FSTL5: variants seen among roughly 807,000 people sequenced by gnomAD.
FSTL5 encodes the protein follistatin-related protein 5.
FSTL5 carries 62 observed loss-of-function variants against 89.1 expected under a neutral mutation model. The ratio of observed to expected loss-of-function variants is 0.70; its 90% CI spans 0.57 to 0.86. The LOEUF (loss-of-function observed/expected upper bound fraction) is 0.86, where lower values mean the gene tolerates loss of function less well. Ranked by LOEUF, FSTL5 falls within the 40% of genes least tolerant of loss-of-function variation. The pLI is 0.00. For synonymous variants in FSTL5, 383 were observed against 346.2 expected (o/e 1.11, Z -1.18); for missense variants, 1,057 against 1,001.6 (o/e 1.06, Z -0.75).
chr4:161,393,000 T>A (rs2110881123), intron 15 of FSTL5, among the ~76,000 whole-genome samples: 1 of 151,902 alleles, frequency 6.6e-6, no homozygotes, highest in African/African-American at 2.4e-5. Flanking sequence ...CCTGTCTCTA[T>A]TAAATATACA....
chr4:161,548,597 T>C (rs577756828), intron 8 of FSTL5, among the ~76,000 whole-genome samples: 71 of 151,956 alleles, frequency 4.7e-4, no homozygotes, highest in Admixed American at 2.0e-3. Context: ...CATAGGTAGT[T>C]AGATATATGT....
intron 6 of FSTL5, among the ~76,000 whole-genome samples, chr4:161,669,858 G>C (rs1737035209): frequency 6.6e-6 from 1 of 151,814 alleles, no homozygotes; most frequent in Non-Finnish European, 1.5e-5. Context: ...TTTATACTTT[G>C]GTTATATTAT....
intron 6 of FSTL5, among the ~76,000 whole-genome samples, chr4:161,758,610 C>CG (rs1281960550): frequency 2.0e-5 from 3 of 152,124 alleles, no homozygotes; most frequent in African/African-American, 7.2e-5. Flanking sequence ...CCTCCGCCCC[C>CG]GGGTTCAAGT....
At chr4:161,911,873 G>A (rs534581374) in intron 4 of FSTL5, among the ~76,000 whole-genome samples, 65 of 152,156 alleles carry the variant, frequency 4.3e-4, no homozygotes, top group African/African-American at 1.5e-3. Flanking sequence ...TTTATTTAAT[G>A]TAATTCCATC....
chr4:161,710,073 A>G (rs1056942287), intron 6 of FSTL5, among the ~76,000 whole-genome samples: 1 of 151,922 alleles, frequency 6.6e-6, no homozygotes, highest in Non-Finnish European at 1.5e-5. Flanking sequence ...GGGTCAAGCA[A>G]TCCTTTCACC....
At chr4:161,881,636 A>T (rs554836543) in intron 4 of FSTL5, among the ~76,000 whole-genome samples, 31 of 152,236 alleles carry the variant, frequency 2.0e-4, no homozygotes, top group African/African-American at 6.7e-4. Flanking sequence ...CCAGTGAAGA[A>T]AGTGCATTCT....
chr4:161,904,040 T>C (rs1733450722), intron 4 of FSTL5, among the ~76,000 whole-genome samples: 1 of 152,082 alleles, frequency 6.6e-6, no homozygotes, highest in Non-Finnish European at 1.5e-5. Context: ...TATCCTAAAA[T>C]GCATTATAAT....
chr4:161,863,641 C>T (rs1440818005), intron 4 of FSTL5, among the ~76,000 whole-genome samples: 3 of 152,066 alleles, frequency 2.0e-5, no homozygotes, highest in African/African-American at 7.2e-5. Context: ...AGTGATTTTC[C>T]TCACCCTCCC....
At position 161,727,565 on chromosome 4, in the gene FSTL5, T is replaced by C. The variant is rs1362714179; in HGVS notation, c.727+31846A>G. Among the ~76,000 whole-genome samples the C allele has an allele frequency of 1.3e-5, 2 of 152,308 alleles. 1 individual carries two copies. The highest frequency in any genetic ancestry group is 3.9e-4 in the East Asian group (2 of 5,172). The stretch of plus-strand genomic sequence containing the variant: ...CAACCTGCAAAATTGCTGAAGAGGC[T>C]TCTCTAAGTTTTCATGTATTCCCTG... On this transcript the variant is annotated intron_variant, in intron 6 of 15. Coordinates refer to ENST00000306100, the MANE Select transcript of FSTL5 (RefSeq NM_020116.5).
chr4:161,572,911 A>G lies in FSTL5; in HGVS notation c.1015+14544T>C, dbSNP rs576849635. Among the ~76,000 whole-genome samples, 11 of 152,330 alleles carry G rather than the reference A, an allele frequency of 7.2e-5. No individual in the cohort carries two copies. In the South Asian group the frequency reaches 2.1e-3, roughly 29 times the overall value. On this transcript the variant is annotated intron_variant, in intron 8 of 15. Transcript: ENST00000306100. The stretch of plus-strand genomic sequence containing the variant: ...AAAAAACATAGAGCATTAAAAAGAC[A>G]TAAATCCTGATATTTAATCAAAAAG...
intron 6 of FSTL5, among the ~76,000 whole-genome samples, chr4:161,729,347 A>G (rs1579052548): frequency 6.6e-6 from 1 of 152,040 alleles, no homozygotes; most frequent in Admixed American, 6.6e-5. Context: ...CTTCCCATCA[A>G]TTTTCCTGTG....
In FSTL5 at chr4:162,124,606, C is replaced by G. The variant is rs564411728; in HGVS notation, c.-16-13194G>C. Among the ~76,000 whole-genome samples the G allele has an allele frequency of 1.1e-4, 17 of 152,292 alleles. No individual in the cohort carries two copies. The South Asian group carries it at 2.5e-3, about 22-fold the overall frequency. Reference sequence around the variant, plus strand: ...GAGATAATCTATTGAAAAATGAGCCCTTGAACAGCCAGAGAGCAGCCAAAA... The same window carrying G: ...GAGATAATCTATTGAAAAATGAGCCGTTGAACAGCCAGAGAGCAGCCAAAA... On this transcript the variant is annotated intron_variant, in intron 1 of 15. Transcript: ENST00000306100.
chr4:161,411,962 G>C (rs943306932), intron 15 of FSTL5, among the ~76,000 whole-genome samples: 15 of 152,082 alleles, frequency 9.9e-5, no homozygotes, highest in African/African-American at 3.1e-4. Flanking sequence ...CTGCTAAAAG[G>C]CTCCTAGAAT....
At chr4:161,688,108 A>G (rs1737806343) in intron 6 of FSTL5, among the ~76,000 whole-genome samples, 1 of 152,156 alleles carries the variant, frequency 6.6e-6, no homozygotes, top group Admixed American at 6.5e-5. Context: ...TAAGAGACAG[A>G]GTCTCCCTCT....
At chr4:161,495,209 A>G (rs1319470050) in intron 12 of FSTL5, 1 of 152,184 alleles carries the variant, frequency 6.6e-6, no homozygotes, top group Non-Finnish European at 1.5e-5. Context: ...GGCATATGTG[A>G]AAAGCAGCAG....
chr4:161,660,559 A>G (rs1295030497), intron 6 of FSTL5, among the ~76,000 whole-genome samples: 3 of 152,070 alleles, frequency 2.0e-5, no homozygotes, highest in Non-Finnish European at 4.4e-5. Context: ...TGTACAGATT[A>G]TTTCATTACC....
chr4:161,662,633 G>A lies in FSTL5; in HGVS notation c.728-6139C>T, dbSNP rs111294539. ...AACCAGATACGGTTAATGAAACCAGGGTTCTTTTGAATCCCAGAATGAGAA... is the reference window on the plus strand; with the variant it reads ...AACCAGATACGGTTAATGAAACCAGAGTTCTTTTGAATCCCAGAATGAGAA... On this transcript the variant is annotated intron_variant, in intron 6 of 15. Coordinates refer to ENST00000306100, the MANE Select transcript of FSTL5 (RefSeq NM_020116.5). Among the ~76,000 whole-genome samples the A allele has an allele frequency of 1.3e-3, 192 of 152,174 alleles. 2 individuals carry two copies. The highest frequency in any genetic ancestry group is 4.4e-3 in the East Asian group (23 of 5,172).
In FSTL5 at chr4:161,542,609, A is replaced by G. The variant is rs1449515842; in HGVS notation, c.1100T>C (p.Ile367Thr). Residue 367 changes from isoleucine (I) to threonine (T), a missense_variant, in exon 9 of 16, where the codon ATA (isoleucine) becomes ACA (threonine). Ile to Thr is a moderately conservative substitution (Grantham distance 89, BLOSUM62 -1). Coordinates refer to ENST00000306100, the MANE Select transcript of FSTL5 (RefSeq NM_020116.5). ...CAACCAGCCAAGCTGAGGCTTTGGT[A>G]TGCCCTCTGCATGGCACCTAAGACT... ...TASLRCHAEG[I>T]PKPQLGWLKN... The G allele has an allele frequency of 4.4e-6, 7 of 1,573,530 alleles. No individual in the cohort carries two copies. In the African/African-American group the frequency reaches 9.6e-5, roughly 21 times the overall value.
intron 4 of FSTL5, among the ~76,000 whole-genome samples, chr4:161,873,652 CAA>C (rs1415111264): frequency 1.3e-5 from 2 of 148,750 alleles, no homozygotes; most frequent in African/African-American, 5.0e-5. Context: ...TTATTTTAAA[CAA>C]GAGAACTTTA....
Sources: allele counts gnomAD v4.1 joint callset (sites outside exome capture counted in the v4.1 genomes callset), GRCh38; gene constraint gnomAD v4.1.1; transcripts MANE v1.5; gene names NCBI Gene and HGNC (gene_info 2026-07-23, HGNC 2026-07-21).